TLN2: variants seen among roughly 807,000 people sequenced by gnomAD.
TLN2 encodes talin-2.
TLN2 carries 118 observed loss-of-function variants against 294.7 expected under a neutral mutation model. The ratio of observed to expected loss-of-function variants is 0.40; its 90% confidence interval spans 0.34 to 0.47. TLN2 has a LOEUF of 0.47. TLN2 is among the 20% of genes least tolerant of loss of function. TLN2 has a pLI of 0.84. For synonymous variants in TLN2, 1,431 were observed against 1,304.5 expected, an observed-to-expected ratio of 1.10 and a Z score of -2.09; for missense variants, 3,083 against 3,282.2, an observed-to-expected ratio of 0.94 and a Z score of 1.48.
intron 38 of TLN2, 120 bp from the exon 39 acceptor site, chr15:62,762,152 C>G: frequency 8.4e-7 from 1 of 1,196,870 alleles, no homozygotes; most frequent in Non-Finnish European, 1.2e-6. Context: ...GTTCCCTGCC[C>G]TCTTTGTCTC....
chr15:62,750,388 T>G lies in TLN2; in HGVS notation c.4120-14T>G. 6.2e-7 allele frequency: 1 copy of G among 1,611,172 alleles called. No individual in the cohort carries two copies. Among genetic ancestry groups the G allele is most frequent in the Non-Finnish European group, 8.5e-7 (1 of 1,177,306 alleles). On this transcript the variant is annotated splice_polypyrimidine_tract_variant and intron_variant, in intron 33 of 58. Coordinates refer to ENST00000636159, the MANE Select transcript of TLN2 (RefSeq NM_015059.3). ...ACATTTGCTTGCTTTTTATGTTGTGTTCTTCTTCTGTAGACTGTGAAGGGG... is the reference window on the plus strand; with the variant it reads ...ACATTTGCTTGCTTTTTATGTTGTGGTCTTCTTCTGTAGACTGTGAAGGGG...
chr15:62,492,644 G>T (rs530707742), intron 1 of TLN2, among the ~76,000 whole-genome samples: 246 of 151,712 alleles, frequency 1.6e-3, no homozygotes, highest in Non-Finnish European at 2.6e-3. Context: ...CCCTATGTCA[G>T]TTTCCTTTTG....
chr15:62,608,614 A>G (rs2047648541), intron 2 of TLN2, among the ~76,000 whole-genome samples: 1 of 152,196 alleles, frequency 6.6e-6, no homozygotes, highest in Non-Finnish European at 1.5e-5. Flanking sequence ...TTGTGAAGTT[A>G]CTGAGATCAG....
At position 62,493,394 on chromosome 15, in the gene TLN2, G is replaced by C. The variant is rs2038850742; in HGVS notation, c.-237-96293G>C. Among the ~76,000 whole-genome samples the C allele has an allele frequency of 2.6e-5, 4 of 152,198 alleles. No individual in the cohort carries two copies. The South Asian group carries it at 8.3e-4, about 32-fold the overall frequency. ...ACCCACCCCTGTAGGTTTGTTGTGC[G>C]GTGGGTGTTAACAACATACATGCCT... On this transcript the variant is annotated intron_variant, in intron 1 of 58. Transcript: ENST00000636159.
rs985405553 is a variant in TLN2 at position 62,765,467 on chromosome 15, G to A, written c.5095-854G>A. 3.3e-5 allele frequency among the ~76,000 whole-genome samples: 5 copies of A among 152,152 alleles called. No homozygotes were observed. In the South Asian group the frequency reaches 8.3e-4, roughly 25 times the overall value. ...AAGGCTAGAGTCTCATTTCTGATGAGCAGGACATCGCTACTTTGGCAGAGT... is the reference window on the plus strand; with the variant it reads ...AAGGCTAGAGTCTCATTTCTGATGAACAGGACATCGCTACTTTGGCAGAGT... On this transcript the variant is annotated intron_variant, in intron 40 of 58. Coordinates refer to ENST00000636159, the MANE Select transcript of TLN2 (RefSeq NM_015059.3).
chr15:62,754,032 G>A (rs2062085298), intron 36 of TLN2, 116 bp downstream of exon 36: 2 of 1,318,312 alleles, frequency 1.5e-6, no homozygotes, highest in Non-Finnish European at 2.0e-6. Context: ...TGCAAAGGTA[G>A]CTAAATGCCA....
At chr15:62,728,666 G>A (rs760828102) in intron 28 of TLN2, among the ~76,000 whole-genome samples, 1 of 152,134 alleles carries the variant, frequency 6.6e-6, no homozygotes, top group East Asian at 1.9e-4. Context: ...TGCCATCGAG[G>A]ATCTTTTCAT....
chr15:62,545,678 C>A (rs1042803496), intron 1 of TLN2, among the ~76,000 whole-genome samples: 6 of 152,146 alleles, frequency 3.9e-5, no homozygotes, highest in Non-Finnish European at 7.3e-5. Context: ...GTTCCCTGTT[C>A]TTGGACAGCA....
chr15:62,553,813 A>G (rs892488592), intron 1 of TLN2, among the ~76,000 whole-genome samples: 5 of 152,314 alleles, frequency 3.3e-5, no homozygotes, highest in Admixed American at 1.3e-4. Context: ...CTTATTATTT[A>G]TAAAATACTT....
chr15:62,581,682 A>G (rs181541448), intron 1 of TLN2, among the ~76,000 whole-genome samples: 85 of 152,256 alleles, frequency 5.6e-4, no homozygotes, highest in African/African-American at 2.0e-3. Context: ...AAAATAGTGT[A>G]TTTCCCTAGT....
At chr15:62,404,630 G>A (rs983041613) in intron 1 of TLN2, among the ~76,000 whole-genome samples, 3 of 152,100 alleles carry the variant, frequency 2.0e-5, no homozygotes, top group Non-Finnish European at 4.4e-5. Context: ...ACTTGGCACC[G>A]CACCTAGGTC....
At chr15:62,602,174 C>A (rs1226973747) in intron 2 of TLN2, among the ~76,000 whole-genome samples, 1 of 151,790 alleles carries the variant, frequency 6.6e-6, no homozygotes, top group Non-Finnish European at 1.5e-5. Context: ...ATTATTAGTT[C>A]ATACTGATAC....
chr15:62,686,028 T>C (rs1323527606), intron 11 of TLN2, among the ~76,000 whole-genome samples: 1 of 152,200 alleles, frequency 6.6e-6, no homozygotes, highest in Non-Finnish European at 1.5e-5. Context: ...TTTGTTTTGG[T>C]ATGAGTGTGA....
At chr15:62,717,546 G>T in intron 23 of TLN2, 30 bp from the exon 24 acceptor site, 1 of 1,472,252 alleles carries the variant, frequency 6.8e-7, no homozygotes, top group South Asian at 1.4e-5. Context: ...TGCATATGCA[G>T]ATCCTGACTC....
At chr15:62,702,676 C>A in intron 18 of TLN2, 90 bp from the exon 19 acceptor site, 2 of 1,326,362 alleles carry the variant, frequency 1.5e-6, no homozygotes, top group Non-Finnish European at 2.2e-6. Flanking sequence ...GGAGCAAATT[C>A]TGTGAGATTC....
intron 12 of TLN2, 84 bp from the exon 13 acceptor site, chr15:62,692,756 T>G: frequency 1.0e-6 from 1 of 1,002,098 alleles, no homozygotes; most frequent in Non-Finnish European, 1.5e-6. Context: ...GTCTATGTCA[T>G]ATTGTTCTAG....
intron 22 of TLN2, among the ~76,000 whole-genome samples, chr15:62,714,494 G>A (rs1428002497): frequency 6.6e-6 from 1 of 152,024 alleles, no homozygotes; most frequent in Non-Finnish European, 1.5e-5. Flanking sequence ...GAGCCACCGC[G>A]CCCAGCCACG....
chr15:62,623,375 G>A lies in TLN2; in HGVS notation c.-37+4900G>A, dbSNP rs148628448. The stretch of plus-strand genomic sequence containing the variant: ...AAAATCTCACAGGTCATAAGTCAAA[G>A]AGAAAGGTAGTATCTTTTACATAGC... On this transcript the variant is annotated intron_variant, in intron 3 of 58. Coordinates refer to ENST00000636159, the MANE Select transcript of TLN2 (RefSeq NM_015059.3). 2.4e-3 allele frequency among the ~76,000 whole-genome samples: 373 copies of A among 152,294 alleles called. 2 individuals carry two copies. The highest frequency in any genetic ancestry group is 8.7e-3 in the African/African-American group (363 of 41,574).
At chr15:62,427,882 G>A (rs2034802751) in intron 1 of TLN2, among the ~76,000 whole-genome samples, 1 of 152,116 alleles carries the variant, frequency 6.6e-6, no homozygotes, top group Admixed American at 6.5e-5. Context: ...AAACTGTGAG[G>A]CTTGTTCCTA....
Sources: gnomAD v4.1 joint callset for allele counts (sites outside exome capture counted in the v4.1 genomes callset) on GRCh38, gnomAD v4.1.1 for gene constraint, MANE v1.5 for transcripts, NCBI Gene and HGNC (gene_info 2026-07-23, HGNC 2026-07-21) for gene names.